The following GRIN2B variants were observed in gnomAD, a reference collection of about 807,000 sequenced individuals.
The protein encoded by GRIN2B is glutamate receptor ionotropic, NMDA 2B.
Under a neutral mutation model 114.5 loss-of-function variants are expected in GRIN2B, and 5 were observed. The observed-to-expected ratio is 0.04, with a 90% confidence interval of 0.02 to 0.09. The LOEUF is 0.09. Ranked by LOEUF, GRIN2B falls within the 10% of genes least tolerant of loss-of-function variation. The probability of loss-of-function intolerance (pLI) is 1.00; values close to 1 mark genes in which losing one functional copy is unlikely to be tolerated. For missense variants in GRIN2B, 1,108 were observed against 1,943.5 expected (o/e 0.57, Z 8.08); for synonymous variants, 787 against 745.1 (o/e 1.06, Z -0.92).
intron 4 of GRIN2B, among the ~76,000 whole-genome samples, chr12:13,689,754 A>C (rs1950199998): frequency 6.6e-6 from 1 of 152,104 alleles, no homozygotes; most frequent in South Asian, 2.1e-4. Context: ...GGTCCCTTCT[A>C]CCTGTTTGGA....
intron 4 of GRIN2B, among the ~76,000 whole-genome samples, chr12:13,677,668 T>A (rs922246800): frequency 6.6e-6 from 1 of 152,098 alleles, no homozygotes; most frequent in South Asian, 2.1e-4. Context: ...GATGGGGAAC[T>A]TTTAATGGCA....
At chr12:13,900,114 T>C (rs1866418396) in intron 2 of GRIN2B, among the ~76,000 whole-genome samples, 2 of 152,200 alleles carry the variant, frequency 1.3e-5, no homozygotes, top group South Asian at 4.1e-4. Flanking sequence ...GTTCTTTTCA[T>C]ATCAACTCAA....
intron 5 of GRIN2B, among the ~76,000 whole-genome samples, chr12:13,671,976 C>T (rs779449022): frequency 2.6e-5 from 4 of 152,048 alleles, no homozygotes; most frequent in Admixed American, 6.6e-5. Flanking sequence ...GACAGTGTGA[C>T]GGGGTGACTA....
chr12:13,587,800 T>C (rs1948949871), intron 10 of GRIN2B, among the ~76,000 whole-genome samples: 1 of 152,220 alleles, frequency 6.6e-6, no homozygotes. Flanking sequence ...AGAAATAGTA[T>C]TACTGGTATA....
intron 10 of GRIN2B, among the ~76,000 whole-genome samples, chr12:13,588,433 T>C (rs1371127461): frequency 3.3e-5 from 5 of 152,202 alleles, no homozygotes; most frequent in Non-Finnish European, 5.9e-5. Context: ...AAAAACCTGC[T>C]CTTTAAACCT....
chr12:13,576,753 A>G (rs1328996529), intron 10 of GRIN2B, among the ~76,000 whole-genome samples: 1 of 152,124 alleles, frequency 6.6e-6, no homozygotes, highest in African/African-American at 2.4e-5. Flanking sequence ...GGGTTTCGCC[A>G]TGTTGGCCAG....
rs1181186595 is a variant in GRIN2B, at chr12:13,554,900, T to G, written c.*7883A>C. 6.6e-6 allele frequency: 1 copy of G among 152,070 alleles called. No individual in the cohort carries two copies. The highest frequency in any genetic ancestry group is 1.5e-5 in the Non-Finnish European group (1 of 68,018). 9.4% of individuals were successfully genotyped at this position (152,070 alleles called of 1,614,324 possible). On this transcript the variant is annotated 3_prime_UTR_variant, in exon 14 of 14. Coordinates refer to ENST00000609686, the MANE Select transcript of GRIN2B (RefSeq NM_000834.5). The stretch of plus-strand genomic sequence containing the variant: ...CCATTAAGCAAAAGGAGGAAGTTGG[T>G]GATTATGTTGGTTTGCAGCAATGGT...
intron 10 of GRIN2B, among the ~76,000 whole-genome samples, chr12:13,605,297 A>T (rs1458178269): frequency 6.6e-6 from 1 of 152,174 alleles, no homozygotes; most frequent in East Asian, 1.9e-4. Context: ...GGAAAGCTCC[A>T]CAAATAAAGG....
intron 3 of GRIN2B, among the ~76,000 whole-genome samples, chr12:13,759,085 G>A (rs1863631509): frequency 7.8e-6 from 1 of 128,664 alleles, no homozygotes; most frequent in Non-Finnish European, 1.5e-5. Flanking sequence ...TTGGCTCACT[G>A]TAACCTCTGC....
At chr12:13,574,067 C>G (rs1447381563) in intron 10 of GRIN2B, among the ~76,000 whole-genome samples, 3 of 152,208 alleles carry the variant, frequency 2.0e-5, no homozygotes, top group Admixed American at 1.3e-4. Flanking sequence ...ATGGGCCACT[C>G]AGGGTTAACT....
chr12:13,941,228 T>C lies in GRIN2B; in HGVS notation c.-19+38700A>G, dbSNP rs148192549. On this transcript the variant is annotated intron_variant, in intron 2 of 13. Transcript: ENST00000609686. ...GAGAATTAGCTTATATTTCATTGCC[T>C]TCTATTTTTAGTATTTTGATACTCC... 9.8e-3 allele frequency among the ~76,000 whole-genome samples: 1,499 copies of C among 152,262 alleles called. 18 individuals are homozygous for C. The highest frequency in any genetic ancestry group is 0.027 in the Middle Eastern group (8 of 294).
intron 4 of GRIN2B, among the ~76,000 whole-genome samples, chr12:13,703,401 G>GA (rs1472466056): frequency 6.6e-6 from 1 of 151,950 alleles, no homozygotes; most frequent in Non-Finnish European, 1.5e-5. Flanking sequence ...TAGAGCAAAT[G>GA]AAAAAATGCA....
chr12:13,646,507 A>C (rs1949762624), intron 5 of GRIN2B, among the ~76,000 whole-genome samples: 7 of 152,190 alleles, frequency 4.6e-5, no homozygotes. Flanking sequence ...TCTTTTAAAC[A>C]ATAGAATATG....
At chr12:13,698,788 C>T (rs1335391102) in intron 4 of GRIN2B, among the ~76,000 whole-genome samples, 3 of 152,044 alleles carry the variant, frequency 2.0e-5, no homozygotes, top group Non-Finnish European at 4.4e-5. Flanking sequence ...GTTCAAGTAA[C>T]TATCCTGCCT....
intron 4 of GRIN2B, among the ~76,000 whole-genome samples, chr12:13,707,525 G>A (rs192647443): frequency 6.6e-6 from 1 of 152,234 alleles, no homozygotes; most frequent in Admixed American, 6.5e-5. Context: ...TTTTCTTGGG[G>A]TCTTTGGAAT....
chr12:13,807,760 G>C (rs891629101), intron 3 of GRIN2B, among the ~76,000 whole-genome samples: 29 of 118,046 alleles, frequency 2.5e-4, no homozygotes, highest in African/African-American at 9.2e-4. Flanking sequence ...CACAGGAAAA[G>C]TAAAGGTAGC....
chr12:13,562,704 GT>G lies in GRIN2B; in HGVS notation c.*78del. 6 of 1,177,126 alleles carry G rather than the reference GT, an allele frequency of 5.1e-6. No individual in the cohort carries two copies. The highest frequency in any genetic ancestry group is 7.7e-6 in the Non-Finnish European group (6 of 783,262). The allele number at this position is 1,177,126 out of a possible 1,614,324, so 72.9% of individuals were successfully genotyped here. The stretch of plus-strand genomic sequence containing the variant: ...GCAAATGGGAACCAAGTTCACCCCC[GT>G]CACCCTCCGTGACATGCGCATCACG... On this transcript the variant is annotated 3_prime_UTR_variant, in exon 14 of 14. Transcript: ENST00000609686.
chr12:13,747,330 A>C (rs1002411690), intron 4 of GRIN2B, among the ~76,000 whole-genome samples: 4 of 152,226 alleles, frequency 2.6e-5, no homozygotes, highest in African/African-American at 9.6e-5. Context: ...TGATATGAGG[A>C]ATGTGAAAGA....
intron 2 of GRIN2B, among the ~76,000 whole-genome samples, chr12:13,947,220 C>G (rs1027057668): frequency 6.6e-6 from 1 of 152,180 alleles, no homozygotes; most frequent in Non-Finnish European, 1.5e-5. Flanking sequence ...TGTTGCTTTT[C>G]CCACTGACTG....
Sources: gnomAD v4.1 joint callset for allele counts (sites outside exome capture counted in the v4.1 genomes callset) on GRCh38, gnomAD v4.1.1 for gene constraint, MANE v1.5 for transcripts, NCBI Gene and HGNC (gene_info 2026-07-23, HGNC 2026-07-21) for gene names.